The following SRBD1 variants were observed in gnomAD, a reference collection of about 807,000 sequenced individuals.
The protein encoded by SRBD1 is S1 RNA-binding domain-containing protein 1.
A neutral mutation model predicts 115.3 loss-of-function variants in SRBD1; 88 were observed. The observed-to-expected ratio is 0.76, with a 90% CI of 0.64 to 0.91. SRBD1 has a LOEUF of 0.91. Ranked by LOEUF, SRBD1 falls within the 40% of genes least tolerant of loss-of-function variation. The pLI is 0.00. For missense variants in SRBD1, 1,385 were observed against 1,177.4 expected, an observed-to-expected ratio of 1.18 and a Z score of -2.58; for synonymous variants, 509 against 407.7, an observed-to-expected ratio of 1.25 and a Z score of -2.99.
At chr2:45,577,812 C>A (rs1673226846) in intron 7 of SRBD1, among the ~76,000 whole-genome samples, 1 of 151,814 alleles carries the variant, frequency 6.6e-6, no homozygotes, top group African/African-American at 2.4e-5. Flanking sequence ...AGAAAACATT[C>A]CTATCAAACT....
chr2:45,445,332 C>T, intron 16 of SRBD1, among the ~76,000 whole-genome samples: 1 of 151,972 alleles, frequency 6.6e-6, no homozygotes, highest in Admixed American at 6.6e-5. Flanking sequence ...AAGGAATTTT[C>T]TTTTTACCCA....
intron 7 of SRBD1, among the ~76,000 whole-genome samples, chr2:45,575,767 G>A (rs1322011424): frequency 2.0e-5 from 3 of 152,042 alleles, no homozygotes; most frequent in Admixed American, 6.5e-5. Context: ...GCAGTGGTGC[G>A]ATCTTGGCTC....
At chr2:45,529,389 C>T (rs554300987) in intron 14 of SRBD1, among the ~76,000 whole-genome samples, 1 of 151,946 alleles carries the variant, frequency 6.6e-6, no homozygotes, top group South Asian at 2.1e-4. Context: ...ATTTCAAAGG[C>T]CCAATATGTT....
At chr2:45,603,632 T>C (rs960120741) in intron 2 of SRBD1, among the ~76,000 whole-genome samples, 1 of 152,146 alleles carries the variant, frequency 6.6e-6, no homozygotes, top group Non-Finnish European at 1.5e-5. Flanking sequence ...TGGGTTCAAG[T>C]GATTCTCACG....
Position 45,428,502 on chromosome 2 carries a change from G to C in SRBD1, c.2050-8608C>G, listed in dbSNP as rs1172723103. Reference sequence around the variant, plus strand: ...GGAGGCGGAGCTTGCAGTGAGCCGAGACTGCGCCACTGCACCTCCAGCCTC... The same window carrying C: ...GGAGGCGGAGCTTGCAGTGAGCCGACACTGCGCCACTGCACCTCCAGCCTC... On this transcript the variant is annotated intron_variant, in intron 16 of 20. Transcript: ENST00000263736. Among the ~76,000 whole-genome samples, 5 of 152,138 alleles carry C rather than the reference G, an allele frequency of 3.3e-5. No homozygotes were observed. In the East Asian group the frequency reaches 9.7e-4, roughly 29 times the overall value.
chr2:45,464,380 T>C (rs1247552125), intron 16 of SRBD1, among the ~76,000 whole-genome samples: 4 of 152,158 alleles, frequency 2.6e-5, no homozygotes, highest in African/African-American at 7.2e-5. Flanking sequence ...CAAGAAACTT[T>C]TGCTCGCCAA....
chr2:45,425,983 A>T (rs1431048173), intron 16 of SRBD1, among the ~76,000 whole-genome samples: 2 of 151,920 alleles, frequency 1.3e-5, no homozygotes, highest in African/African-American at 4.8e-5. Flanking sequence ...TGGTGTCTGG[A>T]ATGCCAGTGA....
intron 19 of SRBD1, among the ~76,000 whole-genome samples, chr2:45,401,707 G>A (rs1326473115): frequency 6.6e-6 from 1 of 152,184 alleles, no homozygotes. Context: ...AATTTTAGAT[G>A]TAGGGAGGTG....
intron 16 of SRBD1, among the ~76,000 whole-genome samples, chr2:45,454,366 T>C (rs1027433822): frequency 1.3e-5 from 2 of 152,006 alleles, no homozygotes; most frequent in South Asian, 4.1e-4. Flanking sequence ...CTTAATTTAA[T>C]TATTCCCTTT....
intron 19 of SRBD1, among the ~76,000 whole-genome samples, chr2:45,411,009 T>C (rs1667586570): frequency 6.6e-6 from 1 of 152,334 alleles, no homozygotes; most frequent in South Asian, 2.1e-4. Flanking sequence ...CCCTGAGTTC[T>C]GCAAACTGGC....
intron 16 of SRBD1, among the ~76,000 whole-genome samples, chr2:45,425,979 C>A (rs1431118431): frequency 6.6e-6 from 1 of 152,016 alleles, no homozygotes; most frequent in Non-Finnish European, 1.5e-5. Context: ...TCAGTGGTGT[C>A]TGGAATGCCA....
chr2:45,425,953 T>G (rs556667729), intron 16 of SRBD1, among the ~76,000 whole-genome samples: 1 of 148,358 alleles, frequency 6.7e-6, no homozygotes, highest in East Asian at 2.0e-4. Context: ...GCTGCAGGAG[T>G]TTTTTTTTTC....
intron 16 of SRBD1, among the ~76,000 whole-genome samples, chr2:45,473,279 T>C (rs1255648645): frequency 6.6e-6 from 1 of 152,182 alleles, no homozygotes; most frequent in Non-Finnish European, 1.5e-5. Context: ...ATCTTTTTCC[T>C]GAAAAAGAAT....
At chr2:45,573,377 G>C in intron 8 of SRBD1, 35 bp from the exon 9 acceptor site, 1 of 1,576,750 alleles carries the variant, frequency 6.3e-7, no homozygotes, top group Non-Finnish European at 8.6e-7. Flanking sequence ...AAAACAAGCA[G>C]TTATTAATTT....
intron 16 of SRBD1, among the ~76,000 whole-genome samples, chr2:45,445,387 CTGTCAAAATCT>C (rs1251651327): frequency 4.0e-5 from 6 of 150,882 alleles, no homozygotes; most frequent in Non-Finnish European, 8.9e-5. Flanking sequence ...ATTTAAAAGG[CTGTCAAAATCT>C]AATAATGAAA....
At chr2:45,558,191 G>T (rs138856504) in intron 10 of SRBD1, among the ~76,000 whole-genome samples, 194 of 152,302 alleles carry the variant, frequency 1.3e-3, no homozygotes, top group African/African-American at 4.5e-3. Flanking sequence ...GAAGCCAGGT[G>T]TGGTGGTGCA....
At chr2:45,509,598 AACACACACACACACACACACAC>A (rs1179307941) in intron 14 of SRBD1, among the ~76,000 whole-genome samples, 6 of 125,442 alleles carry the variant, frequency 4.8e-5, no homozygotes, top group Non-Finnish European at 6.7e-5. Context: ...TCCGTCTCAA[AACACACACACACACACACACAC>A]ACACACACAC....
intron 19 of SRBD1, among the ~76,000 whole-genome samples, chr2:45,402,533 T>C (rs1445860771): frequency 1.3e-5 from 2 of 152,184 alleles, no homozygotes; most frequent in African/African-American, 2.4e-5. Context: ...CCAATGCTAC[T>C]GCATGTGATA....
chr2:45,611,012 C>G (rs896368046), intron 1 of SRBD1, among the ~76,000 whole-genome samples: 3 of 151,950 alleles, frequency 2.0e-5, no homozygotes, highest in Non-Finnish European at 4.4e-5. Context: ...AAAGAGGTGT[C>G]ACGAGGTAGC....
Sources: allele counts gnomAD v4.1 joint callset (sites outside exome capture counted in the v4.1 genomes callset), GRCh38; gene constraint gnomAD v4.1.1; transcripts MANE v1.5; gene names NCBI Gene and HGNC (gene_info 2026-07-23, HGNC 2026-07-21).